Variants in PDE4D observed in about 807,000 individuals in gnomAD.
The protein encoded by PDE4D is 3',5'-cyclic-AMP phosphodiesterase 4D.
Under a neutral mutation model 87.4 loss-of-function variants are expected in PDE4D, and 24 were observed. The ratio of observed to expected loss-of-function variants is 0.27; its 90% CI spans 0.20 to 0.39. The LOEUF is 0.39. Among genes scored for constraint, PDE4D ranks in the 10% least tolerant of loss-of-function variants. The pLI is 1.00. For synonymous variants in PDE4D, 384 were observed against 383.2 expected (o/e 1.00, Z -0.02); for missense variants, 714 against 1,041.0 (o/e 0.69, Z 4.32).
In PDE4D at chr5:60,460,748, G is replaced by A. The variant is rs1231744451; in HGVS notation, c.-90+27194C>T. On this transcript the variant is annotated intron_variant, in intron 1 of 16. Transcript: ENST00000502484. ...TGGCATTTGGGGGCCATGCTGCTAGGGAAGTCCAAGAACCAGACCACAAGT... is the reference window on the plus strand; with the variant it reads ...TGGCATTTGGGGGCCATGCTGCTAGAGAAGTCCAAGAACCAGACCACAAGT... 6.0e-6 allele frequency: 4 copies of A among 664,686 alleles called. No individual in the cohort carries two copies. In the African/African-American group the frequency reaches 7.3e-5, roughly 12 times the overall value. 41.2% of individuals were successfully genotyped at this position (664,686 alleles called of 1,614,324 possible). A position where few individuals can be genotyped will look rare whatever the true frequency, so the allele number is the denominator to read the frequency against.
chr5:60,389,707 C>T (rs139661279), intron 1 of PDE4D, among the ~76,000 whole-genome samples: 1 of 152,204 alleles, frequency 6.6e-6, no homozygotes, highest in African/African-American at 2.4e-5. Context: ...TCCATACGGG[C>T]CTTTCTATGG....
intron 1 of PDE4D, among the ~76,000 whole-genome samples, chr5:60,316,176 G>A (rs879481602): frequency 2.6e-5 from 4 of 152,166 alleles, no homozygotes; most frequent in East Asian, 1.9e-4. Flanking sequence ...GCAGTGGTTT[G>A]TAGTTCTCCT....
chr5:59,438,576 G>A (rs55874040), intron 1 of PDE4D, among the ~76,000 whole-genome samples: 1 of 152,172 alleles, frequency 6.6e-6, no homozygotes, highest in African/African-American at 2.4e-5. Flanking sequence ...TATTGCCCTG[G>A]AATGATGATT....
At chr5:60,035,148 C>T (rs1053291741) in intron 2 of PDE4D, among the ~76,000 whole-genome samples, 9 of 151,366 alleles carry the variant, frequency 5.9e-5, no homozygotes, top group Admixed American at 1.3e-4. Flanking sequence ...CCCAGCTACT[C>T]GGGAGGCTGA....
At chr5:59,690,592 G>A (rs965060736) in intron 1 of PDE4D, among the ~76,000 whole-genome samples, 1 of 152,082 alleles carries the variant, frequency 6.6e-6, no homozygotes, top group African/African-American at 2.4e-5. Context: ...AAACTTAAAT[G>A]TTAGACCTAA....
At chr5:58,986,042 C>T (rs1235393448) in intron 11 of PDE4D, among the ~76,000 whole-genome samples, 5 of 152,192 alleles carry the variant, frequency 3.3e-5, no homozygotes, top group South Asian at 4.1e-4. Context: ...CACACCTCAT[C>T]GTCAAAAAAA....
chr5:59,320,829 CTT>C (rs1774586855), intron 1 of PDE4D, among the ~76,000 whole-genome samples: 1 of 152,008 alleles, frequency 6.6e-6, no homozygotes, highest in Non-Finnish European at 1.5e-5. Flanking sequence ...TTTCTTCCTT[CTT>C]TCCTTCTCAT....
At chr5:59,950,177 C>T (rs983320576) in intron 3 of PDE4D, among the ~76,000 whole-genome samples, 2 of 152,030 alleles carry the variant, frequency 1.3e-5, no homozygotes, top group East Asian at 1.9e-4. Flanking sequence ...TTTTGTTCTG[C>T]GTATCTCACA....
intron 1 of PDE4D, among the ~76,000 whole-genome samples, chr5:59,719,758 A>G (rs1755559154): frequency 6.6e-6 from 1 of 152,212 alleles, no homozygotes; most frequent in Admixed American, 6.5e-5. Flanking sequence ...TTATAGCATA[A>G]CACTATACAT....
chr5:59,718,170 G>C (rs1755295555), intron 1 of PDE4D, among the ~76,000 whole-genome samples: 1 of 152,096 alleles, frequency 6.6e-6, no homozygotes, highest in Non-Finnish European at 1.5e-5. Flanking sequence ...TTGGGTCATT[G>C]TTTCCATGTT....
At chr5:59,057,937 G>C (rs548728067) in intron 5 of PDE4D, among the ~76,000 whole-genome samples, 1 of 152,238 alleles carries the variant, frequency 6.6e-6, no homozygotes, top group Admixed American at 6.5e-5. Context: ...ATAGAGACTG[G>C]CAAATATTAT....
chr5:60,087,718 G>T (rs1774687041), intron 2 of PDE4D, among the ~76,000 whole-genome samples: 1 of 151,538 alleles, frequency 6.6e-6, no homozygotes, highest in Non-Finnish European at 1.5e-5. Context: ...AAAGGAAAAA[G>T]AATTTAAAAA....
intron 1 of PDE4D, among the ~76,000 whole-genome samples, chr5:59,761,049 G>T (rs1761900313): frequency 6.6e-6 from 1 of 152,156 alleles, no homozygotes; most frequent in African/African-American, 2.4e-5. Flanking sequence ...CACAAACCTA[G>T]ATGGTATAGC....
chr5:59,026,736 G>A (rs377675139), intron 6 of PDE4D, among the ~76,000 whole-genome samples: 2 of 152,154 alleles, frequency 1.3e-5, no homozygotes, highest in African/African-American at 2.4e-5. Flanking sequence ...AAAAAAAAAG[G>A]CTTTATAAAG....
At chr5:59,348,938 A>G (rs982632918) in intron 1 of PDE4D, among the ~76,000 whole-genome samples, 2 of 152,160 alleles carry the variant, frequency 1.3e-5, no homozygotes, top group East Asian at 3.9e-4. Flanking sequence ...TTTTTAAGCC[A>G]GGAATGGTAG....
chr5:59,624,763 C>T (rs1351406622), intron 1 of PDE4D, among the ~76,000 whole-genome samples: 3 of 152,122 alleles, frequency 2.0e-5, no homozygotes, highest in Admixed American at 6.5e-5. Context: ...TCCTTTAAGC[C>T]TTTGCAGTAT....
At chr5:59,840,124 C>T (rs1742751057) in intron 1 of PDE4D, among the ~76,000 whole-genome samples, 1 of 151,828 alleles carries the variant, frequency 6.6e-6, no homozygotes, top group African/African-American at 2.4e-5. Context: ...CAAAGTCCTC[C>T]TGCTTCAAAA....
chr5:59,336,365 G>A (rs1437176256), intron 1 of PDE4D, among the ~76,000 whole-genome samples: 1 of 152,144 alleles, frequency 6.6e-6, no homozygotes, highest in Non-Finnish European at 1.5e-5. Context: ...CCTCAACAGA[G>A]CTATTTTTGG....
At chr5:60,030,282 C>T (rs541392080) in intron 2 of PDE4D, among the ~76,000 whole-genome samples, 1 of 151,944 alleles carries the variant, frequency 6.6e-6, no homozygotes, top group Non-Finnish European at 1.5e-5. Flanking sequence ...AACCCCGTCT[C>T]TACTAAAAAT....
Sources: allele counts gnomAD v4.1 joint callset (sites outside exome capture counted in the v4.1 genomes callset), GRCh38; gene constraint gnomAD v4.1.1; transcripts MANE v1.5; gene names NCBI Gene and HGNC (gene_info 2026-07-23, HGNC 2026-07-21).